DST: variants seen among roughly 807,000 people sequenced by gnomAD.
DST encodes dystonin, also known as bullous pemphigoid antigen.
DST carries 253 observed loss-of-function variants against 875.2 expected under a neutral mutation model. The observed-to-expected ratio is 0.29, with a 90% CI of 0.26 to 0.32. The LOEUF (loss-of-function observed/expected upper bound fraction) is 0.32, where lower values mean the gene tolerates loss of function less well. DST is among the 10% of genes least tolerant of loss of function. The pLI, the probability that DST is intolerant of heterozygous loss-of-function variation, is 1.00. For missense variants in DST, 8,287 were observed against 9,111.6 expected, an observed-to-expected ratio of 0.91 and a Z score of 3.68; for synonymous variants, 3,124 against 3,197.1, an observed-to-expected ratio of 0.98 and a Z score of 0.77.
At chr6:56,835,024 T>C (rs2099791903) in intron 4 of DST, among the ~76,000 whole-genome samples, 1 of 152,198 alleles carries the variant, frequency 6.6e-6, no homozygotes, top group South Asian at 2.1e-4. Flanking sequence ...AGAGATGAGC[T>C]ATCAAGCTAT....
intron 2 of DST, among the ~76,000 whole-genome samples, chr6:56,950,076 G>A (rs1821583527): frequency 6.6e-6 from 1 of 152,148 alleles, no homozygotes; most frequent in South Asian, 2.1e-4. Flanking sequence ...TATTCTCTGG[G>A]CTGTGAGTGA....
At position 56,739,593 on chromosome 6, in the gene DST, T is replaced by C. The variant is rs553178708; in HGVS notation, c.626-4304A>G. ...GCTGCATTCCCAGATGGTTAAGGCA[T>C]TCTAAGTCACAGGTTGAGATAGGAG... On this transcript the variant is annotated intron_variant, in intron 4 of 103. Transcript: ENST00000680361. Among the ~76,000 whole-genome samples, 4 of 152,240 alleles carry C rather than the reference T, an allele frequency of 2.6e-5. No homozygotes were observed. The South Asian group carries it at 8.3e-4, about 32-fold the overall frequency.
chr6:56,694,745 A>C (rs1317102917), intron 9 of DST, among the ~76,000 whole-genome samples: 4 of 152,078 alleles, frequency 2.6e-5, no homozygotes, highest in Admixed American at 2.6e-4. Context: ...AGATGGGCCT[A>C]GTGGGGGGTG....
intron 86 of DST, among the ~76,000 whole-genome samples, chr6:56,487,520 T>C (rs2095607650): frequency 6.6e-6 from 1 of 152,144 alleles, no homozygotes; most frequent in Non-Finnish European, 1.5e-5. Context: ...TAGAAACAGG[T>C]TTTGGGTTAG....
intron 30 of DST, 95 bp from the exon 31 acceptor site, chr6:56,630,478 T>A: frequency 9.2e-7 from 1 of 1,084,432 alleles, no homozygotes; most frequent in East Asian, 2.5e-5. Flanking sequence ...TGACATAACA[T>A]GTTCTTCACC....
chr6:56,501,620 T>C lies in DST; in HGVS notation c.19640A>G (p.Lys6547Arg). The C allele has an allele frequency of 6.2e-7, 1 of 1,609,556 alleles. No homozygotes were observed. The highest frequency in any genetic ancestry group is 1.1e-5 in the South Asian group (1 of 90,332). Residue 6547 changes from lysine to arginine, a missense_variant, in exon 79 of 104, where the codon AAG becomes AGG. Lys to Arg is a conservative substitution (Grantham distance 26). Around this residue, in one of 10 missense-constraint regions of DST, gnomAD observed 1,292 missense variants for 1,552.7 expected, o/e 0.83. Transcript: ENST00000680361. ...RLNHQAELLL[K>R]KVTEESDKHT... ...TTTGTCACTCTCTTCTGTTACTTTC[T>C]TTAGCAAAAGCTCTGCTTGATGATT...
intron 4 of DST, among the ~76,000 whole-genome samples, chr6:56,786,747 T>C (rs1440948869): frequency 6.6e-6 from 1 of 152,164 alleles, no homozygotes; most frequent in Non-Finnish European, 1.5e-5. Context: ...GGTCTCGAAC[T>C]CCTGACCTCA....
At chr6:56,897,640 G>A (rs1036094426) in intron 3 of DST, among the ~76,000 whole-genome samples, 2 of 152,022 alleles carry the variant, frequency 1.3e-5, no homozygotes, top group African/African-American at 4.8e-5. Flanking sequence ...CACCAGGTAG[G>A]TATGTTTTTA....
At chr6:56,941,228 T>C (rs1031225358) in intron 2 of DST, among the ~76,000 whole-genome samples, 32 of 152,318 alleles carry the variant, frequency 2.1e-4, no homozygotes, top group Non-Finnish European at 2.5e-4. Flanking sequence ...CCCCACAATT[T>C]TGAGATACTG....
At chr6:56,860,627 G>A (rs764576339) in intron 3 of DST, among the ~76,000 whole-genome samples, 1 of 152,086 alleles carries the variant, frequency 6.6e-6, no homozygotes, top group Non-Finnish European at 1.5e-5. Flanking sequence ...TTTTGCTCCC[G>A]TACCTACCCT....
chr6:56,683,692 G>A (rs757751614), intron 9 of DST, among the ~76,000 whole-genome samples: 2 of 152,166 alleles, frequency 1.3e-5, no homozygotes, highest in Non-Finnish European at 2.9e-5. Context: ...AGAAACACAC[G>A]TCTCCTGCTT....
In DST at chr6:56,504,075, A is replaced by C; in HGVS notation, c.19488T>G (p.Ile6496Met). Residue 6496 changes from isoleucine (I) to methionine (M), a missense_variant, in exon 78 of 104, where the codon ATT becomes ATG. By Grantham distance (10) the Ile-to-Met change is conservative. Transcript: ENST00000680361. Reference protein sequence around the residue: ...GLQAVFDWVDIAGGKLASMSP... With the variant: ...GLQAVFDWVDMAGGKLASMSP... Reference sequence around the variant, plus strand: ...ACATTGAAGCTAATTTACCACCTGCAATATCTACCCAGTCAAATACCGCCT... The same window carrying C: ...ACATTGAAGCTAATTTACCACCTGCCATATCTACCCAGTCAAATACCGCCT... The C allele has an allele frequency of 6.2e-7, 1 of 1,609,892 alleles. No individual in the cohort carries two copies.
chr6:56,912,675 G>A (rs1440212628), intron 2 of DST, among the ~76,000 whole-genome samples: 1 of 152,194 alleles, frequency 6.6e-6, no homozygotes, highest in Non-Finnish European at 1.5e-5. Context: ...GTGGTGCTCT[G>A]CTCCACAGAG....
chr6:56,716,966 G>C (rs1184818248), intron 5 of DST, among the ~76,000 whole-genome samples: 1 of 152,104 alleles, frequency 6.6e-6, no homozygotes, highest in Non-Finnish European at 1.5e-5. Context: ...CGGATCACGA[G>C]GTCAGGAGAT....
At chr6:56,535,376 A>T (rs898877432) in intron 62 of DST, 84 bp from the exon 63 acceptor site, 1 of 1,413,194 alleles carries the variant, frequency 7.1e-7, no homozygotes, top group Non-Finnish European at 9.3e-7. Flanking sequence ...TTACATGCTT[A>T]TTTTCCCGTG....
chr6:56,634,691 T>C, intron 25 of DST, 75 bp from the exon 26 acceptor site: 1 of 1,608,948 alleles, frequency 6.2e-7, no homozygotes. Context: ...CCTGGGATTT[T>C]TTTTGTTTTA....
chr6:56,685,654 C>T (rs2099180334), intron 9 of DST, among the ~76,000 whole-genome samples: 1 of 152,076 alleles, frequency 6.6e-6, no homozygotes, highest in African/African-American at 2.4e-5. Context: ...TGTCTGTAAT[C>T]CCAGCTACTC....
chr6:56,545,857 C>T (rs115149317), intron 61 of DST, among the ~76,000 whole-genome samples: 4,614 of 152,190 alleles, frequency 0.03, 87 homozygotes, highest in Non-Finnish European at 0.043. Context: ...AAGGGATATG[C>T]GTTTTGTGCT....
intron 88 of DST, chr6:56,485,000 A>G (rs2095515539): frequency 3.8e-6 from 1 of 262,004 alleles, no homozygotes; most frequent in Non-Finnish European, 7.2e-6. Flanking sequence ...GTGCATAACT[A>G]AAGATAGTAA....
Sources: gnomAD v4.1 joint callset for allele counts (sites outside exome capture counted in the v4.1 genomes callset) on GRCh38, gnomAD v4.1.1 for gene constraint, gnomAD v4.1.1 regional missense constraint, MANE v1.5 for transcripts, NCBI Gene and HGNC (gene_info 2026-07-23, HGNC 2026-07-21) for gene names.